The following KBTBD2 variants were observed in gnomAD, a reference collection of about 807,000 sequenced individuals.
KBTBD2 encodes kelch repeat and BTB domain containing 2.
Under a neutral mutation model 57.1 loss-of-function variants are expected in KBTBD2, and 17 were observed. The observed-to-expected ratio is 0.30, with a 90% CI of 0.20 to 0.45. The LOEUF is 0.45. Ranked by LOEUF, KBTBD2 falls within the 20% of genes least tolerant of loss-of-function variation. The pLI is 1.00. For missense variants in KBTBD2, 515 were observed against 750.6 expected, an observed-to-expected ratio of 0.69 and a Z score of 3.67; for synonymous variants, 267 against 262.7, an observed-to-expected ratio of 1.02 and a Z score of -0.16.
rs1180058033 is a variant in KBTBD2, at chr7:32,874,975, A to AAT, written c.336+15_336+16dup. The AAT allele has an allele frequency of 1.9e-6, 3 of 1,608,750 alleles. No homozygotes were observed. The highest frequency in any genetic ancestry group is 2.5e-6 in the Non-Finnish European group (3 of 1,176,510). Reference sequence around the variant, plus strand: ...AACAGAGAGAGACTCCGTCTAAAAAAATATATATATGCTTACCTGTAGGAA... The same window carrying AAT: ...AACAGAGAGAGACTCCGTCTAAAAAAATATATATATATGCTTACCTGTAGGAA... On this transcript the variant is annotated intron_variant, in intron 3 of 3. Transcript: ENST00000304056.
At chr7:32,888,461 T>C (rs1784637519) in intron 1 of KBTBD2, among the ~76,000 whole-genome samples, 1 of 152,080 alleles carries the variant, frequency 6.6e-6, no homozygotes, top group Non-Finnish European at 1.5e-5. Flanking sequence ...CAGTTGAGAA[T>C]GTCTGGAAAA....
Position 32,875,018 on chromosome 7 carries a change from G to C in KBTBD2, c.310C>G (p.Leu104Val). 1.2e-6 allele frequency: 2 copies of C among 1,614,080 alleles called. No individual in the cohort carries two copies. Among genetic ancestry groups the C allele is most frequent in the Non-Finnish European group, 8.5e-7 (1 of 1,179,946 alleles). ...LAMNDSTVEQ[L>V]YETACFLQVE... is the part of the protein sequence containing the mutation. ...TGTAGGAAGCAAGCTGTTTCATAAAGCTGTTCTACAGTGCTGTCATTCATT... is the reference window on the plus strand; with the variant it reads ...TGTAGGAAGCAAGCTGTTTCATAAACCTGTTCTACAGTGCTGTCATTCATT... Residue 104 changes from leucine (L) to valine (V), a missense_variant, in exon 3 of 4, where the codon CTT becomes GTT. By Grantham distance (32) the Leu-to-Val change is conservative. Transcript: ENST00000304056.
intron 1 of KBTBD2, among the ~76,000 whole-genome samples, chr7:32,884,333 A>G (rs1161103663): frequency 6.6e-6 from 1 of 151,332 alleles, no homozygotes; most frequent in African/African-American, 2.4e-5. Flanking sequence ...AGCTATGATC[A>G]TGCCACTGCA....
Position 32,869,455 on chromosome 7 carries a change from G to A in KBTBD2, c.1762C>T (p.Pro588Ser). The change falls in exon 4 of 4, where the codon CCA (proline) becomes TCA (serine). Residue 588 changes from proline (P) to serine (S), a missense_variant. Coordinates refer to ENST00000304056, the MANE Select transcript of KBTBD2 (RefSeq NM_015483.3). ...CATGGAGACTCTTCAAGGCAGGATGGATAGAGTTTCCCCACAGTGCATCGA... is the reference window on the plus strand; with the variant it reads ...CATGGAGACTCTTCAAGGCAGGATGAATAGAGTTTCCCCACAGTGCATCGA... ...DFRCTVGKLY[P>S]SCLEESPWKP... 1 of 1,614,080 alleles carries A rather than the reference G, an allele frequency of 6.2e-7. No homozygotes were observed. The highest frequency in any genetic ancestry group is 8.5e-7 in the Non-Finnish European group (1 of 1,179,954).
intron 2 of KBTBD2, 139 bp from the exon 3 acceptor site, chr7:32,875,296 G>C (rs1784285120): frequency 2.7e-6 from 2 of 731,744 alleles, no homozygotes; most frequent in East Asian, 2.7e-5. Context: ...TTTTGAGACA[G>C]GGTCTTGCTC....
At chr7:32,886,121 G>A (rs1000996389) in intron 1 of KBTBD2, among the ~76,000 whole-genome samples, 5 of 152,050 alleles carry the variant, frequency 3.3e-5, no homozygotes, top group African/African-American at 1.2e-4. Flanking sequence ...CGTTGGCCAA[G>A]TTGGTCTCAA....
intron 2 of KBTBD2, among the ~76,000 whole-genome samples, chr7:32,876,995 T>C (rs2127951924): frequency 6.6e-6 from 1 of 151,716 alleles, no homozygotes; most frequent in South Asian, 2.1e-4. Context: ...AAACCCACTA[T>C]AAAGAGCCAA....
chr7:32,874,419 A>T (rs1055823543), intron 3 of KBTBD2: 9 of 150,552 alleles, frequency 6.0e-5, no homozygotes, highest in Non-Finnish European at 1.3e-4. Context: ...AATAAATAAA[A>T]ATAAATAAAT....
At position 32,870,087 on chromosome 7, in the gene KBTBD2, C is replaced by G; in HGVS notation, c.1130G>C (p.Cys377Ser). ...LFVRIKPSLV[C>S]CEGYIYAIGG... is the part of the protein sequence containing the mutation. ...AATTGCATAGATATAGCCTTCACAGCAAACCAAAGATGGCTTTATGCGGAC... is the reference window on the plus strand; with the variant it reads ...AATTGCATAGATATAGCCTTCACAGGAAACCAAAGATGGCTTTATGCGGAC... Residue 377 changes from cysteine (C) to serine (S), a missense_variant, in exon 4 of 4, where the codon TGC becomes TCC. Physicochemically the swap from Cys to Ser is moderately radical, Grantham distance 112. Coordinates refer to ENST00000304056, the MANE Select transcript of KBTBD2 (RefSeq NM_015483.3). 6.2e-7 allele frequency: 1 copy of G among 1,614,198 alleles called. No individual in the cohort carries two copies. The highest frequency in any genetic ancestry group is 8.5e-7 in the Non-Finnish European group (1 of 1,180,042).
chr7:32,876,061 T>C (rs1461679115), intron 2 of KBTBD2, among the ~76,000 whole-genome samples: 1 of 152,228 alleles, frequency 6.6e-6, no homozygotes, highest in Non-Finnish European at 1.5e-5. Context: ...AAAATTCATT[T>C]ACTCAAACAA....
At chr7:32,890,888 A>AT (rs1314055616) in intron 1 of KBTBD2, 2 of 152,108 alleles carry the variant, frequency 1.3e-5, no homozygotes, top group African/African-American at 4.8e-5. Context: ...AAACTAAGCG[A>AT]TTTTTCTATT....
At chr7:32,889,345 G>C (rs1784670101) in intron 1 of KBTBD2, among the ~76,000 whole-genome samples, 1 of 151,120 alleles carries the variant, frequency 6.6e-6, no homozygotes, top group Non-Finnish European at 1.5e-5. Context: ...GCTCACGCCT[G>C]TAATCCCAGC....
chr7:32,890,098 C>G (rs969888103), intron 1 of KBTBD2, among the ~76,000 whole-genome samples: 1 of 150,518 alleles, frequency 6.6e-6, no homozygotes, highest in African/African-American at 2.5e-5. Flanking sequence ...CTCATAAAGT[C>G]TTCCTACAAA....
chr7:32,887,303 G>A (rs867752244), intron 1 of KBTBD2, among the ~76,000 whole-genome samples: 2 of 152,192 alleles, frequency 1.3e-5, no homozygotes, highest in African/African-American at 4.8e-5. Context: ...GGAGGAATAA[G>A]TGTTACTGAT....
chr7:32,870,764 A>C lies in KBTBD2; in HGVS notation c.453T>G (p.Ser151Arg), dbSNP rs199983737. 138 of 1,613,852 alleles carry C rather than the reference A, an allele frequency of 8.6e-5. No individual in the cohort carries two copies. The highest frequency in any genetic ancestry group is 9.1e-5 in the Non-Finnish European group (107 of 1,179,980). Residue 151 changes from serine (S) to arginine (R), a missense_variant, in exon 4 of 4, where the codon AGT becomes AGG. Coordinates refer to ENST00000304056, the MANE Select transcript of KBTBD2 (RefSeq NM_015483.3). Reference protein sequence around the residue: ...DLFSCEELKQSAKRMVEHKFT... With the variant: ...DLFSCEELKQRAKRMVEHKFT... ...ACTTGTGCTCCACCATTCTTTTAGC[A>C]CTCTGTTTTAATTCCTCACAACTGA...
intron 1 of KBTBD2, among the ~76,000 whole-genome samples, chr7:32,889,961 G>C (rs1366693814): frequency 6.6e-6 from 1 of 152,206 alleles, no homozygotes; most frequent in Non-Finnish European, 1.5e-5. Flanking sequence ...GAAAATCTAT[G>C]GAGGAGCATG....
intron 3 of KBTBD2, among the ~76,000 whole-genome samples, chr7:32,873,579 C>CAAA (rs1207482862): frequency 6.6e-6 from 1 of 151,896 alleles, no homozygotes; most frequent in African/African-American, 2.4e-5. Context: ...ACTAAAAATA[C>CAAA]AAAAATTAGC....
intron 1 of KBTBD2, among the ~76,000 whole-genome samples, chr7:32,886,381 A>G (rs1180423772): frequency 6.6e-6 from 1 of 152,162 alleles, no homozygotes; most frequent in Non-Finnish European, 1.5e-5. Context: ...TCCAACACAT[A>G]AAAGTTTTGA....
chr7:32,884,692 AAAAAAT>A (rs1175883146), intron 1 of KBTBD2, among the ~76,000 whole-genome samples: 2 of 152,008 alleles, frequency 1.3e-5, no homozygotes, highest in Non-Finnish European at 2.9e-5. Flanking sequence ...CTCAGTCTCA[AAAAAAT>A]AAAAATAAAA....
Sources: gnomAD v4.1 joint callset for allele counts (sites outside exome capture counted in the v4.1 genomes callset) on GRCh38, gnomAD v4.1.1 for gene constraint, MANE v1.5 for transcripts, NCBI Gene and HGNC (gene_info 2026-07-23, HGNC 2026-07-21) for gene names.